Variants in EIF2AK4 observed in about 807,000 individuals in gnomAD.
EIF2AK4 encodes the protein eIF-2-alpha kinase GCN2.
EIF2AK4 carries 139 observed loss-of-function variants against 211.1 expected under a neutral mutation model. The observed-to-expected ratio is 0.66, with a 90% CI of 0.57 to 0.76. The LOEUF is 0.76. Ranked by LOEUF, EIF2AK4 falls within the 30% of genes least tolerant of loss-of-function variation. The pLI is 0.00. For missense variants in EIF2AK4, 1,664 were observed against 2,043.8 expected (o/e 0.81, Z 3.58); for synonymous variants, 710 against 751.3 (o/e 0.94, Z 0.90).
rs760663721 is a variant in EIF2AK4 at position 39,965,726 on chromosome 15, G to A, written c.900G>A (p.Leu300=). The part of the protein sequence containing the change: ...EQLGKLVYNA[L]ETATGGFVLL... ...TTGGAAAATTAGTCTACAATGCTTT[G>A]GAAACAGCCACTGGTGGCTTTGTCT... is the stretch of plus-strand genomic sequence containing the variant. The change falls in exon 8 of 39, where the codon TTG becomes TTA. Residue 300 remains leucine (L), a synonymous_variant. Coordinates refer to ENST00000263791, the MANE Select transcript of EIF2AK4 (RefSeq NM_001013703.4). 96 of 1,613,890 alleles carry A rather than the reference G, an allele frequency of 5.9e-5. 1 individual carries two copies. The South Asian group carries it at 1.0e-3, about 18-fold the overall frequency.
chr15:40,001,891 A>G (rs961339484), intron 21 of EIF2AK4, among the ~76,000 whole-genome samples: 3 of 152,192 alleles, frequency 2.0e-5, no homozygotes, highest in Non-Finnish European at 4.4e-5. Flanking sequence ...TCTGAAGTGT[A>G]GCCAGGTTGC....
chr15:40,009,721 T>C lies in EIF2AK4; in HGVS notation c.3684T>C (p.Tyr1228=). The C allele has an allele frequency of 6.3e-7, 1 of 1,586,652 alleles. No individual in the cohort carries two copies. Among genetic ancestry groups the C allele is most frequent in the African/African-American group, 1.3e-5 (1 of 74,208 alleles). ...DKLSQVYIIL[Y]DAVTEKLTRR... is the part of the protein sequence containing the mutation. ...TCAGTCAAGTCTACATTATTCTGTATGATGCTGTGGTAAGCATTTAATTAC... is the reference window on the plus strand; with the variant it reads ...TCAGTCAAGTCTACATTATTCTGTACGATGCTGTGGTAAGCATTTAATTAC... Residue 1228 remains tyrosine (Y), a synonymous_variant, in exon 26 of 39, where the codon TAT becomes TAC. Transcript: ENST00000263791.
intron 32 of EIF2AK4, 136 bp downstream of exon 32, chr15:40,022,741 C>CT (rs1281852447): frequency 0.06 from 30,294 of 508,916 alleles, 1 homozygote; most frequent in East Asian, 0.077. Context: ...TGTTGGGTTT[C>CT]TTTTTTTTTT....
chr15:39,973,499 G>A, intron 10 of EIF2AK4, 93 bp from the exon 11 acceptor site: 1 of 1,331,966 alleles, frequency 7.5e-7, no homozygotes, highest in Non-Finnish European at 1.0e-6. Context: ...ACTGGTTGGA[G>A]CTCTTCTTCC....
chr15:40,034,892 A>G (rs980920219), intron 38 of EIF2AK4, 135 bp from the exon 39 acceptor site: 4 of 613,966 alleles, frequency 6.5e-6, no homozygotes, highest in Admixed American at 2.6e-5. Context: ...TAAAACCTAT[A>G]TAATTTTTTA....
chr15:39,961,061 T>G (rs1220826031), intron 6 of EIF2AK4, among the ~76,000 whole-genome samples: 1 of 152,186 alleles, frequency 6.6e-6, no homozygotes, highest in Non-Finnish European at 1.5e-5. Flanking sequence ...CCTAATTTAT[T>G]GTTTTTGCAT....
At position 39,967,865 on chromosome 15, in the gene EIF2AK4, A is replaced by G; in HGVS notation, c.1539A>G (p.Gln513=). ...CTAGTGACTTACCAGCTGACTTTCA[A>G]GATTTTCTAAAGAAGTGAGTATCAC... ...TIPSDLPADF[Q]DFLKKCVCLD... is the part of the protein sequence containing the mutation. Residue 513 remains glutamine (Q), a synonymous_variant, in exon 9 of 39, where the codon CAA becomes CAG. Coordinates refer to ENST00000263791, the MANE Select transcript of EIF2AK4 (RefSeq NM_001013703.4). The G allele has an allele frequency of 1.2e-6, 2 of 1,613,722 alleles. No homozygotes were observed. Among genetic ancestry groups the G allele is most frequent in the South Asian group, 2.2e-5 (2 of 91,078 alleles).
At chr15:40,024,136 C>G (rs530118793) in intron 32 of EIF2AK4, among the ~76,000 whole-genome samples, 1 of 152,196 alleles carries the variant, frequency 6.6e-6, no homozygotes, top group South Asian at 2.1e-4. Context: ...TATTCCTTAT[C>G]CCTGGTAATA....
chr15:40,029,521 CTT>C, intron 34 of EIF2AK4, 57 bp downstream of exon 34: 1 of 1,528,626 alleles, frequency 6.5e-7, no homozygotes, highest in Non-Finnish European at 8.9e-7. Flanking sequence ...GCTCTAAGCA[CTT>C]ATTACTGTAG....
In EIF2AK4 at chr15:40,001,259, A is replaced by T. The variant is rs752396276; in HGVS notation, c.3159+35A>T. The T allele has an allele frequency of 4.4e-6, 7 of 1,596,078 alleles. No homozygotes were observed. The East Asian group carries it at 1.3e-4, about 31-fold the overall frequency. On this transcript the variant is annotated intron_variant, in intron 21 of 38. Coordinates refer to ENST00000263791, the MANE Select transcript of EIF2AK4 (RefSeq NM_001013703.4). Reference sequence around the variant, plus strand: ...AGCCACGCTGCACAAAGGGAGCTTCACCTTGTCCACAAAAGGATCAAGCCA... The same window carrying T: ...AGCCACGCTGCACAAAGGGAGCTTCTCCTTGTCCACAAAAGGATCAAGCCA...
chr15:40,030,663 GCA>G (rs2035529382), intron 35 of EIF2AK4, among the ~76,000 whole-genome samples: 1 of 152,154 alleles, frequency 6.6e-6, no homozygotes, highest in African/African-American at 2.4e-5. Flanking sequence ...TGCACTGTGG[GCA>G]CCTCAAGGCA....
intron 2 of EIF2AK4, 73 bp from the exon 3 acceptor site, chr15:39,943,310 G>A: frequency 8.2e-7 from 1 of 1,224,612 alleles, no homozygotes; most frequent in Non-Finnish European, 1.1e-6. Flanking sequence ...TTTCAGTTTA[G>A]CAAATATTAA....
At chr15:40,024,185 C>T (rs2035432065) in intron 32 of EIF2AK4, among the ~76,000 whole-genome samples, 2 of 151,652 alleles carry the variant, frequency 1.3e-5, no homozygotes, top group African/African-American at 4.9e-5. Context: ...GTTTACGTCA[C>T]TACCTTTCTC....
chr15:39,967,641 G>T lies in EIF2AK4; in HGVS notation c.1315G>T (p.Val439Phe), dbSNP rs767233841. The change falls in exon 9 of 39, where the codon GTC becomes TTC. Residue 439 changes from valine (V) to phenylalanine (F), a missense_variant. This residue lies in a region of EIF2AK4 where 641 missense variants were observed against 729.6 expected (regional missense o/e 0.88). Transcript: ENST00000263791. The stretch of plus-strand genomic sequence containing the variant: ...TGTCTTGGTGGATGCAGAAGGCACC[G>T]TCAAGATTACGGACTATAGCATTTC... The part of the protein sequence containing the change: ...SNVLVDAEGT[V>F]KITDYSISKR... The T allele has an allele frequency of 6.2e-7, 1 of 1,614,028 alleles. No homozygotes were observed. Among genetic ancestry groups the T allele is most frequent in the African/African-American group, 1.3e-5 (1 of 74,914 alleles).
chr15:39,955,400 G>A (rs1595546471), intron 5 of EIF2AK4, among the ~76,000 whole-genome samples: 1 of 152,074 alleles, frequency 6.6e-6, no homozygotes, highest in African/African-American at 2.4e-5. Flanking sequence ...AGGGTAATTA[G>A]CACATCCGTC....
intron 33 of EIF2AK4, 149 bp from the exon 34 acceptor site, chr15:40,029,255 ATT>A: frequency 1.5e-6 from 2 of 1,366,644 alleles, no homozygotes; most frequent in East Asian, 2.6e-5. Flanking sequence ...CTAAATGCAA[ATT>A]TTTTGTTTTT....
rs182423415 is a variant in EIF2AK4 at position 39,975,598 on chromosome 15, A to G, written c.1819-816A>G. Among the ~76,000 whole-genome samples the G allele has an allele frequency of 4.6e-5, 7 of 152,364 alleles. No homozygotes were observed. The East Asian group carries it at 1.2e-3, about 25-fold the overall frequency. On this transcript the variant is annotated intron_variant, in intron 11 of 38. Coordinates refer to ENST00000263791, the MANE Select transcript of EIF2AK4 (RefSeq NM_001013703.4). ...AAGTTACTTCAGTCACCCCAATTAC[A>G]TAGTGAAACTGCCTGGCATAAGGAT...
rs769203481 is a variant in EIF2AK4 at position 39,953,874 on chromosome 15, G to A, written c.514-30G>A. The stretch of plus-strand genomic sequence containing the variant: ...ATATGTTGTATGGGTTTCAGAGATT[G>A]GCATTTGATGATGGTTTGATTTATT... On this transcript the variant is annotated intron_variant, in intron 4 of 38. Coordinates refer to ENST00000263791, the MANE Select transcript of EIF2AK4 (RefSeq NM_001013703.4). The A allele has an allele frequency of 1.8e-5, 29 of 1,601,542 alleles. No individual in the cohort carries two copies. The Admixed American group carries it at 4.9e-4, about 27-fold the overall frequency.
intron 10 of EIF2AK4, 60 bp from the exon 11 acceptor site, chr15:39,973,532 A>G: frequency 2.0e-6 from 3 of 1,502,272 alleles, no homozygotes; most frequent in African/African-American, 2.8e-5. Flanking sequence ...ATTGTTGGCT[A>G]TGTAGCTCTT....
Sources: gnomAD v4.1 joint callset for allele counts (sites outside exome capture counted in the v4.1 genomes callset) on GRCh38, gnomAD v4.1.1 for gene constraint, gnomAD v4.1.1 regional missense constraint, MANE v1.5 for transcripts, NCBI Gene and HGNC (gene_info 2026-07-23, HGNC 2026-07-21) for gene names.